CRCP: variants seen among roughly 807,000 people sequenced by gnomAD.
The protein encoded by CRCP is CGRP receptor component.
CRCP carries 18 observed loss-of-function variants against 18.5 expected under a neutral mutation model. The observed-to-expected ratio is 0.97, with a 90% CI of 0.67 to 1.44. The LOEUF (loss-of-function observed/expected upper bound fraction) is 1.44. Ranked by LOEUF, CRCP falls within the 40% of genes most tolerant of loss-of-function variation. The pLI is 0.00. For missense variants in CRCP, 130 were observed against 176.4 expected, an observed-to-expected ratio of 0.74 and a Z score of 1.49; for synonymous variants, 53 against 62.9, an observed-to-expected ratio of 0.84 and a Z score of 0.75.
chr7:66,131,072 T>G (rs1787788433), intron 3 of CRCP, among the ~76,000 whole-genome samples: 1 of 152,188 alleles, frequency 6.6e-6, no homozygotes, highest in Non-Finnish European at 1.5e-5. Flanking sequence ...CCTCCCAGGT[T>G]CATGCCATTC....
At chr7:66,128,886 CAGAA>C (rs1470828681) in intron 2 of CRCP, among the ~76,000 whole-genome samples, 2 of 152,060 alleles carry the variant, frequency 1.3e-5, no homozygotes. Context: ...AGTCTAAACT[CAGAA>C]AGACTCAGGA....
chr7:66,139,242 A>G (rs1788063717), intron 4 of CRCP, among the ~76,000 whole-genome samples: 1 of 152,172 alleles, frequency 6.6e-6, no homozygotes, highest in African/African-American at 2.4e-5. Context: ...CTGTCTGTAT[A>G]TGCACAGATT....
chr7:66,142,706 A>G (rs1429327559), intron 4 of CRCP, among the ~76,000 whole-genome samples: 1 of 152,114 alleles, frequency 6.6e-6, no homozygotes, highest in Non-Finnish European at 1.5e-5. Flanking sequence ...TTTGTTGCCC[A>G]GGCTGTTTTT....
intron 1 of CRCP, among the ~76,000 whole-genome samples, chr7:66,120,162 C>T (rs1444939314): frequency 2.7e-5 from 4 of 149,318 alleles, no homozygotes; most frequent in Non-Finnish European, 4.4e-5. Context: ...CCAGCCTGGG[C>T]GATAGAGCGA....
At chr7:66,116,869 G>C (rs557111844) in intron 1 of CRCP, among the ~76,000 whole-genome samples, 5 of 152,066 alleles carry the variant, frequency 3.3e-5, no homozygotes, top group East Asian at 3.9e-4. Context: ...GCCTATAATC[G>C]CAGCACTTTA....
upstream of CRCP, chr7:66,114,833 A>C (rs1186103836): frequency 6.3e-7 from 1 of 1,592,816 alleles, no homozygotes; most frequent in Non-Finnish European, 8.6e-7. Flanking sequence ...CCCGGCATGC[A>C]GCGCGGCGAT....
intron 2 of CRCP, among the ~76,000 whole-genome samples, chr7:66,129,062 G>A (rs1352238619): frequency 1.3e-5 from 2 of 151,920 alleles, no homozygotes; most frequent in Non-Finnish European, 2.9e-5. Flanking sequence ...GGCCGGGCGC[G>A]GTGTCTCACG....
chr7:66,137,088 TTAATAA>T (rs970894819), intron 4 of CRCP, among the ~76,000 whole-genome samples: 157 of 151,602 alleles, frequency 1.0e-3, no homozygotes, highest in African/African-American at 3.5e-3. Context: ...AAAAAAAAAT[TTAATAA>T]TAATAATAAT....
chr7:66,128,989 A>G (rs571997489), intron 2 of CRCP, among the ~76,000 whole-genome samples: 6 of 152,134 alleles, frequency 3.9e-5, no homozygotes, highest in Non-Finnish European at 7.4e-5. Flanking sequence ...GCTTGAGGCT[A>G]TGAGTTAGAG....
chr7:66,122,400 C>CTGTTT (rs1437996594), intron 1 of CRCP, among the ~76,000 whole-genome samples: 5 of 143,482 alleles, frequency 3.5e-5, no homozygotes, highest in Non-Finnish European at 7.6e-5. Flanking sequence ...AAAAAAGGCA[C>CTGTTT]TGTTTGCATG....
At chr7:66,142,081 C>A (rs1313400408) in intron 4 of CRCP, among the ~76,000 whole-genome samples, 1 of 152,144 alleles carries the variant, frequency 6.6e-6, no homozygotes, top group Non-Finnish European at 1.5e-5. Flanking sequence ...TGCGATCCCT[C>A]TTCTCCCTCT....
At chr7:66,138,687 G>T (rs316333) in intron 4 of CRCP, among the ~76,000 whole-genome samples, 1 of 150,106 alleles carries the variant, frequency 6.7e-6, no homozygotes, top group African/African-American at 2.5e-5. Context: ...CCAGCTACTC[G>T]GGAGGCTGAG....
At chr7:66,131,936 T>G (rs1454498813) in intron 3 of CRCP, among the ~76,000 whole-genome samples, 1 of 115,120 alleles carries the variant, frequency 8.7e-6, no homozygotes, top group Admixed American at 9.3e-5. Context: ...TAATTTTGTA[T>G]TTTTAGTAGA....
intron 2 of CRCP, chr7:66,130,319 T>C (rs2115929277): frequency 5.0e-6 from 1 of 201,580 alleles, no homozygotes; most frequent in African/African-American, 2.4e-5. Flanking sequence ...TTAGCCAGGA[T>C]GGTCTTGATC....
intron 5 of CRCP, among the ~76,000 whole-genome samples, chr7:66,151,747 C>CTTTTTTTTTTTT (rs1260395389): frequency 1.8e-5 from 1 of 55,424 alleles, no homozygotes; most frequent in Non-Finnish European, 3.6e-5. Context: ...TCCTTTTTTT[C>CTTTTTTTTTTTT]TTTTCTTTTT....
At chr7:66,124,061 A>AAAG (rs1187756287) in intron 1 of CRCP, among the ~76,000 whole-genome samples, 3 of 126,324 alleles carry the variant, frequency 2.4e-5, no homozygotes, top group African/African-American at 8.9e-5. Flanking sequence ...AAAAAAAAAA[A>AAAG]AAAAAAAAAA....
At chr7:66,134,491 A>G (rs1787912511) in intron 4 of CRCP, 117 bp downstream of exon 4, 1 of 698,994 alleles carries the variant, frequency 1.4e-6, no homozygotes, top group East Asian at 2.7e-5. Context: ...GGATTATAGT[A>G]TTGGAGATGA....
chr7:66,152,169 T>TG, intron 5 of CRCP, 39 bp from the exon 6 acceptor site: 1 of 1,612,086 alleles, frequency 6.2e-7, no homozygotes. Flanking sequence ...GGCTGTAAGT[T>TG]TCATTTGTAA....
chr7:66,122,533 A>G (rs1050868453), intron 1 of CRCP, among the ~76,000 whole-genome samples: 3 of 152,160 alleles, frequency 2.0e-5, no homozygotes, highest in South Asian at 2.1e-4. Flanking sequence ...ATTTTAAGCA[A>G]ATTTTACAAG....
Sources: allele counts gnomAD v4.1 joint callset (sites outside exome capture counted in the v4.1 genomes callset), GRCh38; gene constraint gnomAD v4.1.1; transcripts MANE v1.5; gene names NCBI Gene and HGNC (gene_info 2026-07-23, HGNC 2026-07-21).